Variants in C3 observed in about 807,000 individuals in gnomAD.
C3 encodes complement C3.
In C3, 97 loss-of-function variants were observed where a neutral mutation model predicts 207.9. The observed-to-expected ratio is 0.47, with a 90% CI of 0.40 to 0.55. C3 has a LOEUF of 0.55. C3 is among the 20% of genes least tolerant of loss of function. The pLI, the probability that C3 is intolerant of heterozygous loss-of-function variation, is 0.00. For missense variants in C3, 1,684 were observed against 2,171.7 expected (o/e 0.78, Z 4.46); for synonymous variants, 848 against 857.6 (o/e 0.99, Z 0.20).
At chr19:6,697,885 G>A in intron 19 of C3, 91 bp from the exon 20 acceptor site, 2 of 1,311,888 alleles carry the variant, frequency 1.5e-6, no homozygotes, top group Admixed American at 4.0e-5. Flanking sequence ...CACTCCGCAG[G>A]AGCTCTCCCT....
intron 2 of C3, among the ~76,000 whole-genome samples, chr19:6,718,751 G>C (rs904102664): frequency 1.3e-5 from 2 of 151,098 alleles, no homozygotes; most frequent in African/African-American, 2.4e-5. Flanking sequence ...AGACTAAGAG[G>C]GGAGGAGTTC....
chr19:6,697,049 T>TAAAAAAAAATAA lies in C3; in HGVS notation c.2796+294_2796+295insTTATTTTTTTTT, dbSNP rs202245108. Among the ~76,000 whole-genome samples, 2 of 91,514 alleles carry TAAAAAAAAATAA rather than the reference T, an allele frequency of 2.2e-5. 1 individual carries two copies. The highest frequency in any genetic ancestry group is 2.6e-4 in the Admixed American group (2 of 7,674). 60.0% of individuals were successfully genotyped at this position (91,514 alleles called of 152,430 possible). On this transcript the variant is annotated intron_variant, in intron 21 of 40. Transcript: ENST00000245907. Reference sequence around the variant, plus strand: ...AGAGTGAGACTCTGTCTCAAAAAAATAAACAAACAAATAAATAAATAAATA... The same window carrying TAAAAAAAAATAA: ...AGAGTGAGACTCTGTCTCAAAAAAATAAAAAAAAATAAAAACAAACAAATAAATAAATAAATA...
At chr19:6,695,707 T>C (rs1170466527) in intron 23 of C3, among the ~76,000 whole-genome samples, 3 of 151,888 alleles carry the variant, frequency 2.0e-5, no homozygotes, top group African/African-American at 4.8e-5. Context: ...CTCAAACTCC[T>C]ACCTCAGGTG....
Position 6,694,580 on chromosome 19 carries a change from T to A in C3, c.3005A>T (p.His1002Leu), listed in dbSNP as rs1380109713. The A allele has an allele frequency of 6.2e-7, 1 of 1,613,968 alleles. No homozygotes were observed. The highest frequency in any genetic ancestry group is 8.5e-7 in the Non-Finnish European group (1 of 1,179,940). The change falls in exon 24 of 41, where the codon CAC becomes CTC. Residue 1002 changes from histidine to leucine, a missense_variant. His to Leu is a moderately conservative substitution (Grantham distance 99). Transcript: ENST00000245907. ...GCAGCCCGAGGGGGTCACAATGAGG[T>A]GCTTCAGCCGTTCCGCGTCGACGGC... ...EDAVDAERLK[H>L]LIVTPSGCGE... is the part of the protein sequence containing the mutation.
intron 33 of C3, 30 bp from the exon 34 acceptor site, chr19:6,682,259 T>G (rs770608489): frequency 1.3e-6 from 2 of 1,566,754 alleles, no homozygotes; most frequent in African/African-American, 2.7e-5. Flanking sequence ...GGGCATTGGG[T>G]CCCAAGGAGG....
chr19:6,683,175 A>G (rs1917907015), intron 33 of C3: 1 of 152,202 alleles, frequency 6.6e-6, no homozygotes, highest in Non-Finnish European at 1.5e-5. Flanking sequence ...CTCAAAGGAT[A>G]AAATATTGGA....
chr19:6,679,579 TCA>T, intron 36 of C3, 83 bp from the exon 37 acceptor site: 2 of 915,124 alleles, frequency 2.2e-6, no homozygotes, highest in Admixed American at 3.4e-5. Flanking sequence ...TCCCCAGTTC[TCA>T]GTCTTCAGAC....
At chr19:6,684,940 G>A (rs1917962500) in intron 30 of C3, 48 bp downstream of exon 30, 1 of 1,611,560 alleles carries the variant, frequency 6.2e-7, no homozygotes, top group Non-Finnish European at 8.5e-7. Context: ...CCTGGCTAGT[G>A]TAGGGGGAGA....
intron 35 of C3, 115 bp from the exon 36 acceptor site, chr19:6,680,378 A>T: frequency 1.4e-6 from 1 of 716,318 alleles, no homozygotes; most frequent in South Asian, 1.4e-5. Flanking sequence ...AGTGGCAAAG[A>T]TGAATGAGCA....
intron 33 of C3, 140 bp from the exon 34 acceptor site, chr19:6,682,369 G>T: frequency 1.4e-6 from 1 of 705,548 alleles, no homozygotes; most frequent in Non-Finnish European, 2.6e-6. Context: ...CATTTTTTAG[G>T]AAACATTTCC....
chr19:6,695,219 G>A (rs1470045092), intron 23 of C3, among the ~76,000 whole-genome samples: 2 of 149,828 alleles, frequency 1.3e-5, no homozygotes, highest in African/African-American at 2.5e-5. Flanking sequence ...GCAGTGAGCC[G>A]AGATCACGCC....
Position 6,720,638 on chromosome 19 carries a change from G to T in C3, c.-49C>A, listed in dbSNP as rs1296233246. On this transcript the variant is annotated 5_prime_UTR_variant, in exon 1 of 41. Transcript: ENST00000245907. ...GAGGGACAGAGGGACAGAGGGAGAG[G>T]ATGGGGAGGAGTGAGCAGCGCCTGC... 7.0e-7 allele frequency: 1 copy of T among 1,436,754 alleles called. No individual in the cohort carries two copies. The highest frequency in any genetic ancestry group is 1.2e-5 in the South Asian group (1 of 81,558). 89.0% of individuals were successfully genotyped at this position (1,436,754 alleles called of 1,614,324 possible).
At chr19:6,717,780 GTGT>G in intron 4 of C3, 1 of 513,786 alleles carries the variant, frequency 1.9e-6, no homozygotes. Context: ...TGTGTGTATT[GTGT>G]TGTGTGTTGT....
Position 6,719,316 on chromosome 19 carries a change from T to C in C3, c.162A>G (p.Pro54=). The C allele has an allele frequency of 6.2e-7, 1 of 1,614,010 alleles. No individual in the cohort carries two copies. Among genetic ancestry groups the C allele is most frequent in the Non-Finnish European group, 8.5e-7 (1 of 1,179,956 alleles). Residue 54 remains proline (P), a synonymous_variant, in exon 2 of 41, where the codon CCA becomes CCG. Coordinates refer to ENST00000245907, the MANE Select transcript of C3 (RefSeq NM_000064.4). This position sits in a 1 kb window ranked among gnomAD's most constrained non-coding sequence, Gnocchi z 5.4. ...GGAAGTCGTGGACAGTAACAGTGAC[T>C]GGAACATCCCCTTGCGCGTCGTGGG... ...LEAHDAQGDV[P]VTVTVHDFPG...
rs1967902508 is a variant in C3, at chr19:6,710,693, C to T, written c.1632G>A (p.Arg544=). ...CCCACACGGAGTCGGCCACCACCTC[C>T]CTCTGGCCGCTGGCACCGATCAGCG... is the stretch of plus-strand genomic sequence containing the variant. ...YYTLIGASGQ[R]EVVADSVWVD... is the part of the protein sequence containing the mutation. Residue 544 remains arginine (R), a synonymous_variant, in exon 13 of 41, where the codon AGG becomes AGA. Transcript: ENST00000245907. 1 of 1,613,584 alleles carries T rather than the reference C, an allele frequency of 6.2e-7. No individual in the cohort carries two copies. Among genetic ancestry groups the T allele is most frequent in the Non-Finnish European group, 8.5e-7 (1 of 1,179,968 alleles).
intron 26 of C3, among the ~76,000 whole-genome samples, chr19:6,692,015 C>A (rs962981126): frequency 6.6e-6 from 1 of 151,526 alleles, no homozygotes; most frequent in African/African-American, 2.4e-5. Flanking sequence ...CACACACACA[C>A]ACACACACAC....
chr19:6,690,609 G>C lies in C3; in HGVS notation c.3489+20C>G. 1 of 1,598,386 alleles carries C rather than the reference G, an allele frequency of 6.3e-7. No homozygotes were observed. The highest frequency in any genetic ancestry group is 8.6e-7 in the Non-Finnish European group (1 of 1,165,576). On this transcript the variant is annotated intron_variant, in intron 27 of 40. Transcript: ENST00000245907. ...GCATCGGGTAAGGTAGGGTAGGGTGGGAAGATGGAGGGCACTTACGTTGAC... is the reference window on the plus strand; with the variant it reads ...GCATCGGGTAAGGTAGGGTAGGGTGCGAAGATGGAGGGCACTTACGTTGAC...
In C3 at chr19:6,697,776, G is replaced by T; in HGVS notation, c.2459C>A (p.Pro820His). 6.2e-7 allele frequency: 1 copy of T among 1,613,512 alleles called. No individual in the cohort carries two copies. Among genetic ancestry groups the T allele is most frequent in the Non-Finnish European group, 8.5e-7 (1 of 1,179,904 alleles). ...SDKKGICVAD[P>H]FEVTVMQDFF... ...GTCCTGCATTACTGTGACCTCGAAG[G>T]GGTCTGCCACACAGATCCCTGCTCG... The change falls in exon 20 of 41, where the codon CCC becomes CAC. Residue 820 changes from proline to histidine, a missense_variant. This residue lies in a region of C3 where 1,280 missense variants were observed against 1,739.1 expected (regional missense o/e 0.74). Transcript: ENST00000245907.
At chr19:6,702,322 G>A (rs1281685206) in intron 18 of C3, 110 bp from the exon 19 acceptor site, 1 of 946,262 alleles carries the variant, frequency 1.1e-6, no homozygotes, top group African/African-American at 1.6e-5. Flanking sequence ...GTCTGGGGGT[G>A]CCTCCATGTA....
Sources: gnomAD v4.1 joint callset for allele counts (sites outside exome capture counted in the v4.1 genomes callset) on GRCh38, gnomAD v4.1.1 for gene constraint, gnomAD v4.1.1 regional missense constraint, Gnocchi (gnomAD v3.1) non-coding constraint, MANE v1.5 for transcripts, NCBI Gene and HGNC (gene_info 2026-07-23, HGNC 2026-07-21) for gene names.